BYSL: variants seen among roughly 807,000 people sequenced by gnomAD.
The protein encoded by BYSL is bystin like, also known as bystin.
A neutral mutation model predicts 45.4 loss-of-function variants in BYSL; 21 were observed. The observed-to-expected ratio is 0.46, with a 90% CI of 0.33 to 0.67. The LOEUF is 0.67. Among genes scored for constraint, BYSL ranks in the 30% least tolerant of loss-of-function variants. The probability of loss-of-function intolerance (pLI) is 0.02; values close to 1 mark genes in which losing one functional copy is unlikely to be tolerated. For synonymous variants in BYSL, 215 were observed against 231.3 expected (o/e 0.93, Z 0.64); for missense variants, 522 against 578.5 (o/e 0.90, Z 1.00).
At chr6:41,918,699 G>A (rs1393882721), upstream of BYSL, among the ~76,000 whole-genome samples, 1 of 151,726 alleles carries the variant, frequency 6.6e-6, no homozygotes, top group Non-Finnish European at 1.5e-5. Flanking sequence ...TGTAATCCCA[G>A]CACTTTGGGA....
chr6:41,909,352 C>T, the BYSL span: 9 of 1,614,132 alleles, frequency 5.6e-6, no homozygotes, highest in Admixed American at 1.2e-4. Flanking sequence ...TACCTGGTGC[C>T]CCGGGTCTCA....
chr6:41,923,754 A>G (rs1775524814), intron 1 of BYSL, among the ~76,000 whole-genome samples: 2 of 152,012 alleles, frequency 1.3e-5, no homozygotes, highest in Non-Finnish European at 2.9e-5. Flanking sequence ...ACTCTCTACA[A>G]AGTACTCACA....
chr6:41,913,840 G>A, the BYSL span, among the ~76,000 whole-genome samples: 8 of 152,274 alleles, frequency 5.3e-5, no homozygotes, highest in African/African-American at 1.9e-4. Flanking sequence ...GGAGGTTGCA[G>A]TGAGACGAGA....
rs1056107667 is a variant in BYSL at position 41,922,261 on chromosome 6, A to G, written c.268+431A>G. 3.3e-5 allele frequency among the ~76,000 whole-genome samples: 5 copies of G among 152,350 alleles called. No homozygotes were observed. In the South Asian group the frequency reaches 1.0e-3, roughly 32 times the overall value. Reference sequence around the variant, plus strand: ...GAATAATATATTTCCATGATAAAGTATCGTTTCCCTGGTAACAATAGCATT... The same window carrying G: ...GAATAATATATTTCCATGATAAAGTGTCGTTTCCCTGGTAACAATAGCATT... On this transcript the variant is annotated intron_variant, in intron 1 of 6. Coordinates refer to ENST00000230340, the MANE Select transcript of BYSL (RefSeq NM_004053.4).
intron 1 of BYSL, among the ~76,000 whole-genome samples, chr6:41,923,304 A>G (rs1317873987): frequency 7.0e-6 from 1 of 143,356 alleles, no homozygotes; most frequent in East Asian, 2.0e-4. Flanking sequence ...ACCATGTCCA[A>G]CTAATTCTTT....
chr6:41,917,711 A>G (rs1220349288), upstream of BYSL: 3 of 466,350 alleles, frequency 6.4e-6, no homozygotes, highest in Non-Finnish European at 9.0e-6. Context: ...TGAGTCATAT[A>G]ATGAAAAAGG....
chr6:41,910,574 G>A, the BYSL span, among the ~76,000 whole-genome samples: 1 of 151,238 alleles, frequency 6.6e-6, no homozygotes, highest in Non-Finnish European at 1.5e-5. Flanking sequence ...AGAGGTTGCA[G>A]TGAGTTGAGA....
At chr6:41,926,998 GC>G (rs907677093) in intron 1 of BYSL, among the ~76,000 whole-genome samples, 16 of 151,346 alleles carry the variant, frequency 1.1e-4, no homozygotes, top group Admixed American at 6.6e-5. Flanking sequence ...GGAGGCTGAG[GC>G]AGGAGAATGG....
chr6:41,923,337 C>A (rs1051666202), intron 1 of BYSL, among the ~76,000 whole-genome samples: 4 of 150,494 alleles, frequency 2.7e-5, no homozygotes, highest in Non-Finnish European at 5.9e-5. Context: ...GAGCCTGTCG[C>A]CCAGGCTGTA....
rs760270897 is a variant in BYSL, at chr6:41,932,342, C to T, written c.969-19C>T. 13 of 1,598,248 alleles carry T rather than the reference C, an allele frequency of 8.1e-6. No homozygotes were observed. The East Asian group carries it at 2.7e-4, about 33-fold the overall frequency. ...AATGTTTTCCCTGCTTACTCTACCC[C>T]ACCTCCCTTTCCCACTAGTGCGGCC... On this transcript the variant is annotated intron_variant, in intron 6 of 6. Transcript: ENST00000230340. This position sits in a 1 kb window ranked among gnomAD's most constrained non-coding sequence, Gnocchi z 4.7.
chr6:41,916,934 G>A (rs769905909), upstream of BYSL: 2 of 1,613,938 alleles, frequency 1.2e-6, no homozygotes, highest in South Asian at 1.1e-5. Flanking sequence ...AGGCATCTGG[G>A]ACACACTGGA....
chr6:41,910,181 C>T, the BYSL span, among the ~76,000 whole-genome samples: 3 of 152,226 alleles, frequency 2.0e-5, no homozygotes, highest in African/African-American at 4.8e-5. Flanking sequence ...GCAAGCAGCA[C>T]ACTACAGCAG....
chr6:41,932,723 T>C lies in BYSL; in HGVS notation c.*17T>C. On this transcript the variant is annotated 3_prime_UTR_variant, in exon 7 of 7. Coordinates refer to ENST00000230340, the MANE Select transcript of BYSL (RefSeq NM_004053.4). The surrounding 1 kb of genome is among the most constrained non-coding windows in gnomAD (Gnocchi z 4.7). ...GTGGAGTGAGGAAAACAGTCAGCTG[T>C]CCTGGCCAAAGGGGTTTGGAAGGAC... The C allele has an allele frequency of 6.3e-7, 1 of 1,593,440 alleles. No homozygotes were observed. The highest frequency in any genetic ancestry group is 2.2e-5 in the East Asian group (1 of 44,612).
At chr6:41,921,989 A>T (rs1775489334) in intron 1 of BYSL, among the ~76,000 whole-genome samples, 159 bp downstream of exon 1, 2 of 151,866 alleles carry the variant, frequency 1.3e-5, no homozygotes, top group African/African-American at 2.4e-5. Flanking sequence ...CTCCGCGTCC[A>T]CTCCTAGTTT....
At chr6:41,914,615 C>T in the BYSL span, among the ~76,000 whole-genome samples, 2 of 141,070 alleles carry the variant, frequency 1.4e-5, no homozygotes, top group Non-Finnish European at 3.1e-5. Flanking sequence ...TAACTCATAT[C>T]CAAAGAGTCT....
chr6:41,924,916 T>C (rs1487643030), intron 1 of BYSL, among the ~76,000 whole-genome samples: 1 of 152,018 alleles, frequency 6.6e-6, no homozygotes, highest in African/African-American at 2.4e-5. Flanking sequence ...TTGAATATGA[T>C]TTAGTAATTG....
chr6:41,923,519 A>G (rs1408097484), intron 1 of BYSL, among the ~76,000 whole-genome samples: 1 of 149,886 alleles, frequency 6.7e-6, no homozygotes, highest in African/African-American at 2.5e-5. Flanking sequence ...CTGGTCTTGA[A>G]CTCCTGACTT....
At chr6:41,925,139 G>T (rs1026742790) in intron 1 of BYSL, among the ~76,000 whole-genome samples, 6 of 152,160 alleles carry the variant, frequency 3.9e-5, no homozygotes, top group Admixed American at 6.5e-5. Flanking sequence ...GTTAGGGTCT[G>T]GCACTAAGGA....
chr6:41,921,866 G>A (rs1284195439), intron 1 of BYSL, 36 bp downstream of exon 1: 1 of 1,587,578 alleles, frequency 6.3e-7, no homozygotes, highest in African/African-American at 1.3e-5. Context: ...GAAGACAGTG[G>A]CCAGTAGTGG....
Sources: gnomAD v4.1 joint callset for allele counts (sites outside exome capture counted in the v4.1 genomes callset) on GRCh38, gnomAD v4.1.1 for gene constraint, Gnocchi (gnomAD v3.1) non-coding constraint, MANE v1.5 for transcripts, NCBI Gene and HGNC (gene_info 2026-07-23, HGNC 2026-07-21) for gene names.